CACNA2D1: variants seen among roughly 807,000 people sequenced by gnomAD.
The protein encoded by CACNA2D1 is voltage-dependent calcium channel subunit alpha-2/delta-1.
Under a neutral mutation model 171.5 loss-of-function variants are expected in CACNA2D1, and 53 were observed. The ratio of observed to expected loss-of-function variants is 0.31; its 90% CI spans 0.25 to 0.39. The LOEUF is 0.39. Among genes scored for constraint, CACNA2D1 ranks in the 10% least tolerant of loss-of-function variants. The pLI is 1.00. For synonymous variants in CACNA2D1, 442 were observed against 443.1 expected (o/e 1.00, Z 0.03); for missense variants, 903 against 1,299.8 (o/e 0.69, Z 4.69).
intron 3 of CACNA2D1, among the ~76,000 whole-genome samples, chr7:82,299,105 T>C (rs538378901): frequency 0.011 from 849 of 75,432 alleles, 11 homozygotes; most frequent in African/African-American, 0.028. Context: ...TACCAAGTCA[T>C]TTTTTACTCA....
At chr7:82,007,312 C>T (rs552161422) in intron 16 of CACNA2D1, among the ~76,000 whole-genome samples, 4 of 152,116 alleles carry the variant, frequency 2.6e-5, no homozygotes, top group South Asian at 4.1e-4. Flanking sequence ...ATACAAACAT[C>T]GCCATGCTTT....
intron 6 of CACNA2D1, among the ~76,000 whole-genome samples, chr7:82,095,624 A>G (rs1388663126): frequency 1.3e-5 from 2 of 152,244 alleles, no homozygotes; most frequent in Non-Finnish European, 2.9e-5. Flanking sequence ...CACGCCATAA[A>G]CAGTAATAAC....
intron 6 of CACNA2D1, among the ~76,000 whole-genome samples, chr7:82,094,240 G>GAA (rs56682610): frequency 1.4e-5 from 2 of 146,582 alleles, no homozygotes; most frequent in African/African-American, 4.9e-5. Context: ...AGAATGAAAA[G>GAA]AAAAAAAAAA....
At chr7:82,220,266 G>T (rs1220673050) in intron 3 of CACNA2D1, among the ~76,000 whole-genome samples, 1 of 152,064 alleles carries the variant, frequency 6.6e-6, no homozygotes, top group African/African-American at 2.4e-5. Context: ...ATAGATTGAC[G>T]GTAATTATTT....
intron 3 of CACNA2D1, among the ~76,000 whole-genome samples, chr7:82,196,575 A>C (rs1345003649): frequency 1.3e-5 from 2 of 152,074 alleles, no homozygotes; most frequent in Non-Finnish European, 2.9e-5. Flanking sequence ...TTGTTGTTTT[A>C]GTTGGTCTGT....
At chr7:82,406,759 T>G (rs2129453227) in intron 1 of CACNA2D1, among the ~76,000 whole-genome samples, 1 of 152,316 alleles carries the variant, frequency 6.6e-6, no homozygotes, top group East Asian at 1.9e-4. Flanking sequence ...TTGTCAGTTT[T>G]TCTTGTTTAA....
intron 38 of CACNA2D1, among the ~76,000 whole-genome samples, chr7:81,954,717 T>C (rs1394462815): frequency 1.3e-5 from 2 of 152,174 alleles, no homozygotes; most frequent in African/African-American, 4.8e-5. Flanking sequence ...CATCATTTAA[T>C]TTCCTTCAAA....
At chr7:82,358,248 T>C (rs569890621) in intron 1 of CACNA2D1, among the ~76,000 whole-genome samples, 1 of 152,270 alleles carries the variant, frequency 6.6e-6, no homozygotes, top group East Asian at 1.9e-4. Flanking sequence ...TGTAGTTGGG[T>C]AAAAATAACA....
At chr7:82,094,209 G>T (rs935163222) in intron 6 of CACNA2D1, among the ~76,000 whole-genome samples, 1 of 150,294 alleles carries the variant, frequency 6.7e-6, no homozygotes. Context: ...GTGACCCGTT[G>T]GTTTAAACAT....
chr7:81,951,570 CTTAGAAG>C (rs1305739692), intron 38 of CACNA2D1, among the ~76,000 whole-genome samples: 2 of 152,100 alleles, frequency 1.3e-5, no homozygotes, highest in African/African-American at 2.4e-5. Flanking sequence ...TTAGCTCCCA[CTTAGAAG>C]TTAGAACATA....
At chr7:82,376,540 G>C (rs1016999523) in intron 1 of CACNA2D1, among the ~76,000 whole-genome samples, 30 of 152,262 alleles carry the variant, frequency 2.0e-4, no homozygotes, top group African/African-American at 7.0e-4. Context: ...AATTCAGTAG[G>C]GTCAGCAATG....
At chr7:82,271,686 A>T (rs1808652205) in intron 3 of CACNA2D1, among the ~76,000 whole-genome samples, 1 of 152,152 alleles carries the variant, frequency 6.6e-6, no homozygotes, top group Admixed American at 6.6e-5. Flanking sequence ...AATAAGCTTT[A>T]GATGCACAGT....
At chr7:82,173,793 A>G (rs1231109823) in intron 3 of CACNA2D1, among the ~76,000 whole-genome samples, 1 of 151,958 alleles carries the variant, frequency 6.6e-6, no homozygotes, top group Non-Finnish European at 1.5e-5. Context: ...CTGTAATCCC[A>G]ATACTTTGGG....
intron 1 of CACNA2D1, among the ~76,000 whole-genome samples, chr7:82,434,442 C>T (rs978832192): frequency 1.3e-5 from 2 of 152,028 alleles, no homozygotes; most frequent in African/African-American, 4.8e-5. Context: ...ATCAGCCAGG[C>T]ATTAAGTCTA....
intron 1 of CACNA2D1, among the ~76,000 whole-genome samples, chr7:82,362,087 A>G (rs970542934): frequency 6.6e-6 from 1 of 152,144 alleles, no homozygotes; most frequent in Non-Finnish European, 1.5e-5. Flanking sequence ...GTGAAAAGAG[A>G]ATGGTATTTT....
chr7:81,974,963 C>T (rs1795682359), intron 24 of CACNA2D1, among the ~76,000 whole-genome samples: 1 of 151,626 alleles, frequency 6.6e-6, no homozygotes, highest in African/African-American at 2.4e-5. Flanking sequence ...AGCAAACCAA[C>T]ATGGCACGTG....
chr7:82,125,009 G>A (rs1790167421), intron 5 of CACNA2D1, among the ~76,000 whole-genome samples: 1 of 151,992 alleles, frequency 6.6e-6, no homozygotes, highest in Non-Finnish European at 1.5e-5. Context: ...TTTATTTATT[G>A]CTATAAAGTA....
intron 3 of CACNA2D1, among the ~76,000 whole-genome samples, chr7:82,217,714 CAA>C (rs1801305071): frequency 6.7e-6 from 1 of 149,254 alleles, no homozygotes; most frequent in Admixed American, 6.7e-5. Flanking sequence ...AAAATAAAAA[CAA>C]AAATAAATTT....
intron 18 of CACNA2D1, among the ~76,000 whole-genome samples, chr7:82,002,732 T>C (rs1019200913): frequency 1.3e-5 from 2 of 152,122 alleles, no homozygotes; most frequent in Non-Finnish European, 2.9e-5. Context: ...TAAAGCAGAA[T>C]ACATAATTCA....
Sources: gnomAD v4.1 joint callset for allele counts (sites outside exome capture counted in the v4.1 genomes callset) on GRCh38, gnomAD v4.1.1 for gene constraint, MANE v1.5 for transcripts, NCBI Gene and HGNC (gene_info 2026-07-23, HGNC 2026-07-21) for gene names.